GPAM: variants seen among roughly 807,000 people sequenced by gnomAD.
The protein encoded by GPAM is glycerol-3-phosphate acyltransferase, mitochondrial, also known as glycerol-3-phosphate acyltransferase 1, mitochondrial.
A neutral mutation model predicts 105.0 loss-of-function variants in GPAM; 56 were observed. That is an observed-to-expected ratio of 0.53 (90% CI 0.43 to 0.67). GPAM has a LOEUF of 0.67. Ranked by LOEUF, GPAM falls within the 30% of genes least tolerant of loss-of-function variation. The pLI is 0.00. For missense variants in GPAM, 855 were observed against 989.8 expected (o/e 0.86, Z 1.83); for synonymous variants, 368 against 354.4 (o/e 1.04, Z -0.43).
chr10:112,208,493 G>T (rs544223958), intron 1 of GPAM, among the ~76,000 whole-genome samples: 1 of 152,132 alleles, frequency 6.6e-6, no homozygotes, highest in Non-Finnish European at 1.5e-5. Flanking sequence ...TCTATTTAAG[G>T]ATTTGGCTGC....
chr10:112,211,855 C>T (rs1847914726), intron 1 of GPAM, among the ~76,000 whole-genome samples: 1 of 152,182 alleles, frequency 6.6e-6, no homozygotes. Context: ...TTCTAATGAC[C>T]TTTTTCCTTA....
chr10:112,154,003 T>C (rs528662468), intron 21 of GPAM: 43 of 272,674 alleles, frequency 1.6e-4, no homozygotes, highest in Non-Finnish European at 2.5e-4. Context: ...CTAGTATCTC[T>C]ATAGAACTTA....
At position 112,164,622 on chromosome 10, in the gene GPAM, A is replaced by C. The variant is rs895543858; in HGVS notation, c.1222-12T>G. ...CTTTCTAAATATTCCTGGAGAAAAA[A>C]ACACAACATGATCATTTACCCTCAC... On this transcript the variant is annotated splice_polypyrimidine_tract_variant and intron_variant, in intron 12 of 21. Transcript: ENST00000348367. 1 of 1,440,224 alleles carries C rather than the reference A, an allele frequency of 6.9e-7. No homozygotes were observed. The highest frequency in any genetic ancestry group is 1.4e-5 in the African/African-American group (1 of 71,438). The allele number at this position is 1,440,224 out of a possible 1,614,324, so 89.2% of individuals were successfully genotyped here. A position where few individuals can be genotyped will look rare whatever the true frequency, so the allele number is the denominator to read the frequency against.
In GPAM at chr10:112,152,613, A is replaced by C. The variant is rs1846939525; in HGVS notation, c.*937T>G. On this transcript the variant is annotated 3_prime_UTR_variant, in exon 22 of 22. Coordinates refer to ENST00000348367, the MANE Select transcript of GPAM (RefSeq NM_001244949.2). ...TGTGGCCAGAGAACTGTATTCTAACAGTCTGTCAGCTCAAGCTAATCAAGT... is the reference window on the plus strand; with the variant it reads ...TGTGGCCAGAGAACTGTATTCTAACCGTCTGTCAGCTCAAGCTAATCAAGT... 1 of 985,312 alleles carries C rather than the reference A, an allele frequency of 1.0e-6. No homozygotes were observed. 61.0% of individuals were successfully genotyped at this position (985,312 alleles called of 1,614,324 possible).
In GPAM at chr10:112,168,347, G is replaced by A. The variant is rs866892830; in HGVS notation, c.1072C>T (p.Arg358Cys). 6 of 1,607,610 alleles carry A rather than the reference G, an allele frequency of 3.7e-6. No individual in the cohort carries two copies. The highest frequency in any genetic ancestry group is 1.3e-5 in the African/African-American group (1 of 74,884). Residue 358 changes from arginine (R) to cysteine (C), a missense_variant, in exon 11 of 22, where the codon CGC becomes TGC. Transcript: ENST00000348367. Reference protein sequence around the residue: ...LIIPVGISYDRIIEGHYNGEQ... With the variant: ...LIIPVGISYDCIIEGHYNGEQ... ...CCATTGTAGTGACCTTCGATAATGC[G>A]ATCATAGGAGATTCCAACAGGTATT...
intron 1 of GPAM, chr10:112,214,432 A>T (rs1335397548): frequency 6.6e-6 from 1 of 152,198 alleles, no homozygotes; most frequent in African/African-American, 2.4e-5. Flanking sequence ...GAGAGAATGA[A>T]GTCTGTCTTT....
rs2792738 is a variant in GPAM at position 112,158,194 on chromosome 10, G to T, written c.1980+122C>A. ...GATCCACCCGCCTTCACCTCCCAAA[G>T]TGCTGGGATTACAGGCACATGCCAC... On this transcript the variant is annotated intron_variant, in intron 18 of 21. Transcript: ENST00000348367. 4.5e-3 allele frequency: 3,544 copies of T among 784,078 alleles called. 83 individuals are homozygous for T. In the African/African-American group the frequency reaches 0.05, roughly 11 times the overall value. The allele number at this position is 784,078 out of a possible 1,614,324, so 48.6% of individuals were successfully genotyped here.
At chr10:112,226,772 A>C in the GPAM span, among the ~76,000 whole-genome samples, 1 of 152,160 alleles carries the variant, frequency 6.6e-6, no homozygotes, top group Non-Finnish European at 1.5e-5. Context: ...GCTACTTGAG[A>C]TAGTAAGAGT....
chr10:112,158,633 C>T (rs777404393), intron 17 of GPAM, among the ~76,000 whole-genome samples: 32 of 152,138 alleles, frequency 2.1e-4, no homozygotes, highest in Admixed American at 8.5e-4. Context: ...GCACCACCTG[C>T]AAGGGGTACT....
At position 112,180,579 on chromosome 10, in the gene GPAM, C is replaced by CTAAAGCCACACTCACCCTGACAAA; in HGVS notation, c.103-8_118dup (p.Phe39_Arg40insIleCysGlnGlyGluCysGlyPhe). On this transcript the variant is annotated inframe_insertion, in exon 4 of 22. Transcript: ENST00000348367. ...AGTTGCAGATCTGAAGATGGTGGGTCTAAAGCCACACTCACCCTGACAAAT... is the reference window on the plus strand; with the variant it reads ...AGTTGCAGATCTGAAGATGGTGGGTCTAAAGCCACACTCACCCTGACAAATAAAGCCACACTCACCCTGACAAAT... 1 of 1,610,350 alleles carries CTAAAGCCACACTCACCCTGACAAA rather than the reference C, an allele frequency of 6.2e-7. No homozygotes were observed. The highest frequency in any genetic ancestry group is 2.2e-5 in the East Asian group (1 of 44,834).
At chr10:112,198,636 T>C (rs989057948) in intron 1 of GPAM, among the ~76,000 whole-genome samples, 4 of 152,176 alleles carry the variant, frequency 2.6e-5, no homozygotes, top group Non-Finnish European at 5.9e-5. Flanking sequence ...AAATTTAAAA[T>C]AGAGCTACTA....
At position 112,159,906 on chromosome 10, in the gene GPAM, C is replaced by T; in HGVS notation, c.1902+5G>A. The T allele has an allele frequency of 1.4e-5, 23 of 1,613,484 alleles. No homozygotes were observed. The highest frequency in any genetic ancestry group is 1.9e-5 in the Non-Finnish European group (23 of 1,179,554). On this transcript the variant is annotated splice_donor_5th_base_variant and intron_variant, in intron 17 of 21. Transcript: ENST00000348367. ...ACCAGGCAACACTGAAGGGTCTTCA[C>T]TCACCAGTGAGATGGTGCCTTCATT...
At chr10:112,194,082 C>A (rs549836501) in intron 1 of GPAM, among the ~76,000 whole-genome samples, 1 of 152,142 alleles carries the variant, frequency 6.6e-6, no homozygotes, top group Non-Finnish European at 1.5e-5. Context: ...AGCAGGTTAT[C>A]CTGGGACTCT....
At chr10:112,213,829 G>A (rs1457127810) in intron 1 of GPAM, among the ~76,000 whole-genome samples, 2 of 152,044 alleles carry the variant, frequency 1.3e-5, no homozygotes, top group African/African-American at 4.8e-5. Context: ...TGAGAAAAGA[G>A]GCCCAAGAGG....
intron 1 of GPAM, among the ~76,000 whole-genome samples, chr10:112,199,439 C>T (rs915287438): frequency 3.3e-5 from 5 of 151,986 alleles, no homozygotes; most frequent in African/African-American, 9.7e-5. Context: ...AGAAAGTTTC[C>T]GTTAGGAGGA....
intron 20 of GPAM, 79 bp from the exon 21 acceptor site, chr10:112,154,766 T>C (rs1846985082): frequency 1.8e-6 from 2 of 1,125,308 alleles, no homozygotes; most frequent in South Asian, 1.3e-5. Flanking sequence ...AGTAAGAAAG[T>C]ATGGGGAGCT....
intron 1 of GPAM, among the ~76,000 whole-genome samples, chr10:112,210,110 A>G (rs538923381): frequency 3.9e-4 from 60 of 152,334 alleles, no homozygotes; most frequent in Non-Finnish European, 1.2e-4. Context: ...CAGTTGGAGA[A>G]CCCAGTACCA....
intron 20 of GPAM, 35 bp downstream of exon 20, chr10:112,155,829 A>G: frequency 7.2e-7 from 1 of 1,384,268 alleles, no homozygotes; most frequent in Non-Finnish European, 1.0e-6. Flanking sequence ...AAAAAAAAAA[A>G]AGATTTTAAA....
chr10:112,174,626 G>C (rs2803619), intron 6 of GPAM, among the ~76,000 whole-genome samples: 117,181 of 152,114 alleles, frequency 0.77, 46,018 homozygotes, highest in African/African-American at 0.94. Context: ...TTTTATCCCA[G>C]TGGTGCTGAT....
Sources: allele counts gnomAD v4.1 joint callset (sites outside exome capture counted in the v4.1 genomes callset), GRCh38; gene constraint gnomAD v4.1.1; transcripts MANE v1.5; gene names NCBI Gene and HGNC (gene_info 2026-07-23, HGNC 2026-07-21).